NT5DC1: variants seen among roughly 807,000 people sequenced by gnomAD.
NT5DC1 encodes 5'-nucleotidase domain-containing protein 1.
NT5DC1 carries 42 observed loss-of-function variants against 59.4 expected under a neutral mutation model. That is an observed-to-expected ratio of 0.71 (90% confidence interval 0.55 to 0.92). The LOEUF is 0.92. Among genes scored for constraint, NT5DC1 ranks in the 40% least tolerant of loss-of-function variants. The pLI is 0.00. For synonymous variants in NT5DC1, 172 were observed against 188.1 expected (o/e 0.91, Z 0.70); for missense variants, 501 against 537.1 (o/e 0.93, Z 0.66).
At chr6:116,230,735 A>G (rs947024958) in intron 8 of NT5DC1, among the ~76,000 whole-genome samples, 1 of 152,208 alleles carries the variant, frequency 6.6e-6, no homozygotes, top group Non-Finnish European at 1.5e-5. Context: ...AGCTCCAGTC[A>G]GAGCTGTTTC....
intron 8 of NT5DC1, among the ~76,000 whole-genome samples, chr6:116,228,796 G>A (rs976960063): frequency 1.3e-5 from 2 of 152,080 alleles, no homozygotes; most frequent in African/African-American, 4.8e-5. Context: ...TGATTCGTCA[G>A]CTACCTCTAA....
intron 6 of NT5DC1, among the ~76,000 whole-genome samples, chr6:116,167,413 C>T (rs1223429173): frequency 2.0e-5 from 3 of 151,774 alleles, no homozygotes; most frequent in African/African-American, 2.4e-5. Flanking sequence ...AGTGTTTCAC[C>T]GTGTTAGCCA....
chr6:116,108,315 G>A (rs762414195), intron 2 of NT5DC1, 49 bp from the exon 3 acceptor site: 1 of 1,151,496 alleles, frequency 8.7e-7, no homozygotes, highest in Non-Finnish European at 1.3e-6. Flanking sequence ...TTATTTCTTA[G>A]GTTAGCTAAA....
At chr6:116,227,508 A>G (rs1014638051) in intron 8 of NT5DC1, among the ~76,000 whole-genome samples, 1 of 152,072 alleles carries the variant, frequency 6.6e-6, no homozygotes, top group Non-Finnish European at 1.5e-5. Context: ...ATCATATGGT[A>G]GTTCTGTTTT....
At chr6:116,228,764 A>G (rs181372635) in intron 8 of NT5DC1, among the ~76,000 whole-genome samples, 129 of 152,310 alleles carry the variant, frequency 8.5e-4, no homozygotes, top group Admixed American at 6.6e-3. Context: ...TTATGTGTCT[A>G]TTCTGCTGCT....
chr6:116,173,935 G>A (rs777470277), intron 6 of NT5DC1, among the ~76,000 whole-genome samples: 1 of 152,222 alleles, frequency 6.6e-6, no homozygotes. Context: ...ATACCACATT[G>A]CATTTAATCA....
intron 6 of NT5DC1, among the ~76,000 whole-genome samples, chr6:116,147,188 C>A (rs1487923470): frequency 6.6e-6 from 1 of 151,838 alleles, no homozygotes; most frequent in African/African-American, 2.4e-5. Context: ...CACCTGTAAT[C>A]CTAGCACTTT....
intron 6 of NT5DC1, chr6:116,120,688 G>T (rs1446874250): frequency 1.9e-6 from 3 of 1,549,484 alleles, no homozygotes; most frequent in Middle Eastern, 2.2e-4. Flanking sequence ...TGCCAGCTGG[G>T]CCAGGAGGAC....
At chr6:116,220,662 G>C (rs781133005) in intron 6 of NT5DC1, among the ~76,000 whole-genome samples, 1 of 152,204 alleles carries the variant, frequency 6.6e-6, no homozygotes, top group East Asian at 1.9e-4. Flanking sequence ...TCTGAGTGTT[G>C]ATTTGTTTCT....
At chr6:116,133,313 A>C (rs1425692537) in intron 6 of NT5DC1, among the ~76,000 whole-genome samples, 1 of 152,198 alleles carries the variant, frequency 6.6e-6, no homozygotes, top group African/African-American at 2.4e-5. Context: ...CAGCTTTCAC[A>C]TGCAGTTTCT....
intron 6 of NT5DC1, among the ~76,000 whole-genome samples, chr6:116,199,997 A>G (rs868392796): frequency 0.044 from 5,276 of 119,454 alleles, 377 homozygotes; most frequent in African/African-American, 0.14. Flanking sequence ...CAGTATGGAA[A>G]GTGGGGGGGG....
intron 8 of NT5DC1, among the ~76,000 whole-genome samples, chr6:116,232,915 C>T (rs1328007545): frequency 1.3e-5 from 2 of 152,172 alleles, no homozygotes; most frequent in Non-Finnish European, 2.9e-5. Flanking sequence ...AAATTGATGG[C>T]TCCTCCATCT....
In NT5DC1 at chr6:116,239,079, G is replaced by C. The variant is rs1482113755; in HGVS notation, c.1208G>C (p.Ser403Thr). The C allele has an allele frequency of 6.2e-7, 1 of 1,612,210 alleles. No homozygotes were observed. The highest frequency in any genetic ancestry group is 1.1e-5 in the South Asian group (1 of 91,006). Reference sequence around the variant, plus strand: ...TATACATGGTCTTGTAAGAGAATCAGTACTTACAGCACTATTGCAATTCCA... The same window carrying C: ...TATACATGGTCTTGTAAGAGAATCACTACTTACAGCACTATTGCAATTCCA... ...LVYTWSCKRI[S>T]TYSTIAIPSI... Residue 403 changes from serine to threonine, a missense_variant, in exon 11 of 12, where the codon AGT becomes ACT. Ser to Thr is a moderately conservative substitution (Grantham distance 58). Transcript: ENST00000319550.
At chr6:116,137,946 G>A (rs1006719343) in intron 6 of NT5DC1, among the ~76,000 whole-genome samples, 1 of 152,098 alleles carries the variant, frequency 6.6e-6, no homozygotes, top group African/African-American at 2.4e-5. Context: ...AGGCGTGGTG[G>A]TGTGTGTCTG....
Position 116,121,943 on chromosome 6 carries a change from T to A in NT5DC1, c.529+3998T>A. On this transcript the variant is annotated intron_variant, in intron 6 of 11. Coordinates refer to ENST00000319550, the MANE Select transcript of NT5DC1 (RefSeq NM_152729.3). Reference sequence around the variant, plus strand: ...GCCTGGTGGACCAGGAGTACCTTGCTCTCCTCTTACTGCTATACCTAAAAG... The same window carrying A: ...GCCTGGTGGACCAGGAGTACCTTGCACTCCTCTTACTGCTATACCTAAAAG... 1 of 1,612,914 alleles carries A rather than the reference T, an allele frequency of 6.2e-7. No homozygotes were observed. Among genetic ancestry groups the A allele is most frequent in the Non-Finnish European group, 8.5e-7 (1 of 1,179,952 alleles).
At chr6:116,173,146 A>T (rs939081641) in intron 6 of NT5DC1, among the ~76,000 whole-genome samples, 20 of 152,200 alleles carry the variant, frequency 1.3e-4, no homozygotes, top group African/African-American at 4.6e-4. Context: ...ACTAAAAATG[A>T]TAGCTAAAAA....
chr6:116,168,969 C>T (rs1198447723), intron 6 of NT5DC1, among the ~76,000 whole-genome samples: 1 of 152,154 alleles, frequency 6.6e-6, no homozygotes, highest in Non-Finnish European at 1.5e-5. Context: ...TTGGGTCAAC[C>T]TGGAGAGCTC....
rs1771860172 is a variant in NT5DC1, at chr6:116,246,946, T to C, written c.*2922T>C. 1 of 152,206 alleles carries C rather than the reference T, an allele frequency of 6.6e-6. No individual in the cohort carries two copies. Among genetic ancestry groups the C allele is most frequent in the Non-Finnish European group, 1.5e-5 (1 of 68,020 alleles). The allele number at this position is 152,206 out of a possible 1,614,324, so 9.4% of individuals were successfully genotyped here. ...TCACTAGGCTACTTCATGTACATTA[T>C]CTTGTTTACTCTCTATAGCAACCAT... On this transcript the variant is annotated 3_prime_UTR_variant, in exon 12 of 12. Coordinates refer to ENST00000319550, the MANE Select transcript of NT5DC1 (RefSeq NM_152729.3).
At chr6:116,123,396 A>G (rs1438633673) in intron 6 of NT5DC1, among the ~76,000 whole-genome samples, 1 of 152,182 alleles carries the variant, frequency 6.6e-6, no homozygotes, top group East Asian at 1.9e-4. Flanking sequence ...AATTTTCTTC[A>G]TTCAAGATTA....
Sources: allele counts gnomAD v4.1 joint callset (sites outside exome capture counted in the v4.1 genomes callset), GRCh38; gene constraint gnomAD v4.1.1; transcripts MANE v1.5; gene names NCBI Gene and HGNC (gene_info 2026-07-23, HGNC 2026-07-21).